Variants in DOP1B observed in about 807,000 individuals in gnomAD.
DOP1B encodes protein DOP1B.
A neutral mutation model predicts 233.5 loss-of-function variants in DOP1B; 174 were observed. The ratio of observed to expected loss-of-function variants is 0.75; its 90% CI spans 0.66 to 0.85. The LOEUF (loss-of-function observed/expected upper bound fraction) is 0.85, where lower values mean the gene tolerates loss of function less well. Ranked by LOEUF, DOP1B falls within the 40% of genes least tolerant of loss-of-function variation. The pLI is 0.00. For synonymous variants in DOP1B, 1,190 were observed against 1,185.6 expected (o/e 1.00, Z -0.08); for missense variants, 2,652 against 2,846.6 (o/e 0.93, Z 1.56).
At chr21:36,176,223 T>C (rs147276953) in intron 2 of DOP1B, among the ~76,000 whole-genome samples, 3 of 152,178 alleles carry the variant, frequency 2.0e-5, no homozygotes, top group Non-Finnish European at 2.9e-5. Flanking sequence ...AGCTTATTTA[T>C]GGGGCACTGC....
At position 36,270,072 on chromosome 21, in the gene DOP1B, A is replaced by G; in HGVS notation, c.5547A>G (p.Gln1849=). 1.2e-6 allele frequency: 2 copies of G among 1,614,098 alleles called. No homozygotes were observed. Among genetic ancestry groups the G allele is most frequent in the Non-Finnish European group, 8.5e-7 (1 of 1,179,994 alleles). Residue 1849 remains glutamine, a synonymous_variant, in exon 27 of 37, where the codon CAA becomes CAG. Coordinates refer to ENST00000691173, the MANE Select transcript of DOP1B (RefSeq NM_001320714.2). ...ACATTGCCGGCTCTTCCTTGGAGCA[A>G]ACCAGCTGGCTAAGCAGAAACCTGG... ...VGNIAGSSLE[Q]TSWLSRNLEV... is the part of the protein sequence containing the mutation.
chr21:36,211,963 C>T lies in DOP1B; in HGVS notation c.781-11C>T, dbSNP rs778226348. On this transcript the variant is annotated splice_polypyrimidine_tract_variant and intron_variant, in intron 6 of 36. Coordinates refer to ENST00000691173, the MANE Select transcript of DOP1B (RefSeq NM_001320714.2). ...ATTCCCTTGCAGTAAATTTCTCTGT[C>T]CTTCTAATAGGATTCCAATGAGAGA... The T allele has an allele frequency of 1.2e-6, 2 of 1,613,790 alleles. No homozygotes were observed. The highest frequency in any genetic ancestry group is 2.2e-5 in the South Asian group (2 of 91,048).
chr21:36,252,637 C>G (rs1601451484), intron 22 of DOP1B, among the ~76,000 whole-genome samples: 1 of 151,866 alleles, frequency 6.6e-6, no homozygotes, highest in East Asian at 1.9e-4. Context: ...CCTCAGCCTC[C>G]TGAGCAGCTG....
At chr21:36,244,349 CAT>C (rs1472998096) in intron 18 of DOP1B, among the ~76,000 whole-genome samples, 3 of 152,172 alleles carry the variant, frequency 2.0e-5, no homozygotes, top group Admixed American at 1.3e-4. Flanking sequence ...TCTTTATACA[CAT>C]GTGACATTTC....
At position 36,276,392 on chromosome 21, in the gene DOP1B, G is replaced by A. The variant is rs140324613; in HGVS notation, c.5633-629G>A. 5.4e-3 allele frequency among the ~76,000 whole-genome samples: 820 copies of A among 152,072 alleles called. 10 individuals are homozygous for A. The highest frequency in any genetic ancestry group is 0.018 in the African/African-American group (731 of 41,500). On this transcript the variant is annotated intron_variant, in intron 27 of 36. Coordinates refer to ENST00000691173, the MANE Select transcript of DOP1B (RefSeq NM_001320714.2). ...TAAATAATTTTAAAATTACCTGGGC[G>A]TGGTGATGTGTGCCTGTGCCCCCAG...
intron 32 of DOP1B, among the ~76,000 whole-genome samples, chr21:36,282,564 C>T (rs560358616): frequency 2.0e-5 from 3 of 152,200 alleles, no homozygotes; most frequent in Non-Finnish European, 4.4e-5. Context: ...GTTTACAGTA[C>T]TCCCTTAATC....
intron 1 of DOP1B, among the ~76,000 whole-genome samples, chr21:36,160,479 T>TC (rs1472712822): frequency 7.7e-6 from 1 of 130,462 alleles, no homozygotes; most frequent in African/African-American, 3.6e-5. Context: ...TAAGTTTTCT[T>TC]TTTTTTTTTT....
chr21:36,192,881 G>A (rs1022922793), intron 2 of DOP1B, among the ~76,000 whole-genome samples: 3 of 151,866 alleles, frequency 2.0e-5, no homozygotes, highest in African/African-American at 7.3e-5. Flanking sequence ...AGTGGAGATG[G>A]GGTTTCACTG....
intron 16 of DOP1B, 91 bp from the exon 17 acceptor site, chr21:36,238,510 T>A (rs2066852932): frequency 9.4e-7 from 1 of 1,065,348 alleles, no homozygotes; most frequent in Non-Finnish European, 1.4e-6. Context: ...CTGAAGTCTT[T>A]GATCTATTGT....
chr21:36,282,977 A>G (rs962828992), intron 32 of DOP1B, among the ~76,000 whole-genome samples: 7 of 151,972 alleles, frequency 4.6e-5, no homozygotes, highest in Non-Finnish European at 1.0e-4. Context: ...AAAAATAAAT[A>G]AATAAATTGT....
At chr21:36,244,393 GTCT>G (rs2066929906) in intron 18 of DOP1B, among the ~76,000 whole-genome samples, 1 of 152,104 alleles carries the variant, frequency 6.6e-6, no homozygotes, top group African/African-American at 2.4e-5. Context: ...GGCTTTGAAA[GTCT>G]TCTGCTGACA....
intron 13 of DOP1B, among the ~76,000 whole-genome samples, chr21:36,228,443 G>C (rs898518223): frequency 2.0e-5 from 3 of 151,386 alleles, no homozygotes; most frequent in Non-Finnish European, 4.4e-5. Flanking sequence ...CTGGGCAACA[G>C]AGCAAGACTC....
At chr21:36,273,670 C>G (rs555267462) in intron 27 of DOP1B, among the ~76,000 whole-genome samples, 1 of 152,210 alleles carries the variant, frequency 6.6e-6, no homozygotes, top group African/African-American at 2.4e-5. Context: ...CGGGAGTGGG[C>G]TTAGACCCAG....
At chr21:36,274,683 G>T (rs2067330355) in intron 27 of DOP1B, among the ~76,000 whole-genome samples, 1 of 152,052 alleles carries the variant, frequency 6.6e-6, no homozygotes, top group Non-Finnish European at 1.5e-5. Context: ...GAATTCATCG[G>T]GGTGGGTGGT....
At chr21:36,211,850 T>C (rs767947312) in intron 6 of DOP1B, 124 bp from the exon 7 acceptor site, 2 of 1,436,446 alleles carry the variant, frequency 1.4e-6, no homozygotes, top group Non-Finnish European at 1.9e-6. Flanking sequence ...CCATGGGTAA[T>C]GTGTAAGGAA....
chr21:36,164,074 G>A (rs936061516), intron 1 of DOP1B, among the ~76,000 whole-genome samples: 13 of 152,176 alleles, frequency 8.5e-5, no homozygotes, highest in Admixed American at 7.9e-4. Context: ...GGGAGTCTGG[G>A]AATTACAGTG....
intron 2 of DOP1B, among the ~76,000 whole-genome samples, chr21:36,178,309 G>A (rs2066054527): frequency 6.6e-6 from 1 of 152,118 alleles, no homozygotes; most frequent in South Asian, 2.1e-4. Context: ...TGGACAACAT[G>A]GGGAAACCCC....
At chr21:36,225,741 T>G (rs1490342487) in intron 12 of DOP1B, 74 bp downstream of exon 12, 18 of 1,432,104 alleles carry the variant, frequency 1.3e-5, no homozygotes, top group Non-Finnish European at 1.3e-5. Flanking sequence ...GCCTGCTTTA[T>G]CAACCTCACA....
At chr21:36,167,947 T>C (rs1601375864) in intron 2 of DOP1B, among the ~76,000 whole-genome samples, 1 of 133,962 alleles carries the variant, frequency 7.5e-6, no homozygotes, top group Admixed American at 7.3e-5. Flanking sequence ...TTTCTTTTTT[T>C]TTTTTTTTTT....
Sources: gnomAD v4.1 joint callset for allele counts (sites outside exome capture counted in the v4.1 genomes callset) on GRCh38, gnomAD v4.1.1 for gene constraint, MANE v1.5 for transcripts, NCBI Gene and HGNC (gene_info 2026-07-23, HGNC 2026-07-21) for gene names.